ANO6: variants seen among roughly 807,000 people sequenced by gnomAD.
The protein encoded by ANO6 is anoctamin 6, also known as anoctamin-6.
ANO6 carries 106 observed loss-of-function variants against 117.5 expected under a neutral mutation model. That is an observed-to-expected ratio of 0.90 (90% CI 0.77 to 1.06). The LOEUF is 1.06. ANO6 is among the 50% of genes least tolerant of loss of function. The pLI is 0.00. For missense variants in ANO6, 955 were observed against 1,121.1 expected, an observed-to-expected ratio of 0.85 and a Z score of 2.12; for synonymous variants, 367 against 385.1, an observed-to-expected ratio of 0.95 and a Z score of 0.55.
chr12:45,235,800 C>CA (rs1455875282), intron 1 of ANO6, among the ~76,000 whole-genome samples: 2 of 152,198 alleles, frequency 1.3e-5, no homozygotes, highest in Non-Finnish European at 2.9e-5. Context: ...CCCTCCCTCA[C>CA]ACTGACGGCA....
At chr12:45,254,126 C>T (rs879787171) in intron 1 of ANO6, among the ~76,000 whole-genome samples, 12 of 152,190 alleles carry the variant, frequency 7.9e-5, no homozygotes, top group Non-Finnish European at 1.6e-4. Flanking sequence ...GAGATTGTGC[C>T]ACTGCACTCC....
intron 1 of ANO6, among the ~76,000 whole-genome samples, chr12:45,295,177 T>A (rs960189536): frequency 3.3e-5 from 5 of 152,360 alleles, no homozygotes; most frequent in Admixed American, 2.0e-4. Flanking sequence ...TGGCTTTGTA[T>A]TTTATGTTTT....
chr12:45,374,703 T>A lies in ANO6; in HGVS notation c.1105-3350T>A, dbSNP rs545742651. Among the ~76,000 whole-genome samples, 107 of 143,516 alleles carry A rather than the reference T, an allele frequency of 7.5e-4. 1 individual carries two copies. The East Asian group carries it at 0.019, about 25-fold the overall frequency. The allele number at this position is 143,516 out of a possible 152,430, so 94.2% of individuals were successfully genotyped here. A position where few individuals can be genotyped will look rare whatever the true frequency, so the allele number is the denominator to read the frequency against. ...AAATTAGGTATTGATGGGACGTATT[T>A]CAAAATAATAAGAGCTATCTATGAC... On this transcript the variant is annotated intron_variant, in intron 9 of 19. Coordinates refer to ENST00000320560, the MANE Select transcript of ANO6 (RefSeq NM_001025356.3).
chr12:45,429,115 A>G lies in ANO6; in HGVS notation c.2537A>G (p.Tyr846Cys), dbSNP rs746701804. 2.5e-6 allele frequency: 4 copies of G among 1,613,482 alleles called. No homozygotes were observed. In the South Asian group the frequency reaches 3.3e-5, roughly 13 times the overall value. The change falls in exon 20 of 20, where the codon TAC becomes TGC. Residue 846 changes from tyrosine to cysteine, a missense_variant. Tyr to Cys is a radical substitution (Grantham distance 194, BLOSUM62 -2). Coordinates refer to ENST00000320560, the MANE Select transcript of ANO6 (RefSeq NM_001025356.3). Reference protein sequence around the residue: ...AFIIVMEHVIYSVKFFISYAI... With the variant: ...AFIIVMEHVICSVKFFISYAI... ...TCTTCTCTTCCCCAGCACGTCATCT[A>G]CTCTGTGAAATTTTTCATTTCATAT...
At chr12:45,238,366 G>A (rs1042915016) in intron 1 of ANO6, among the ~76,000 whole-genome samples, 1 of 151,980 alleles carries the variant, frequency 6.6e-6, no homozygotes, top group African/African-American at 2.4e-5. Flanking sequence ...GGCCAGGCTG[G>A]TCTCGAACTC....
intron 9 of ANO6, 25 bp from the exon 10 acceptor site, chr12:45,378,027 AT>A: frequency 6.3e-7 from 1 of 1,594,930 alleles, no homozygotes; most frequent in Non-Finnish European, 8.6e-7. Context: ...GATATGACTC[AT>A]TTATATGTCA....
chr12:45,422,983 G>A lies in ANO6; in HGVS notation c.2447G>A (p.Gly816Glu). 1 of 1,613,900 alleles carries A rather than the reference G, an allele frequency of 6.2e-7. No homozygotes were observed. The highest frequency in any genetic ancestry group is 1.7e-5 in the Admixed American group (1 of 60,024). Reference protein sequence around the residue: ...CRYRDFRYPPGHPQEYKHNIY... With the variant: ...CRYRDFRYPPEHPQEYKHNIY... Reference sequence around the variant, plus strand: ...TATCGTGATTTCCGATACCCACCTGGACACCCCCAGGAGTATAAACACAAC... The same window carrying A: ...TATCGTGATTTCCGATACCCACCTGAACACCCCCAGGAGTATAAACACAAC... Residue 816 changes from glycine to glutamate, a missense_variant, in exon 19 of 20, where the codon GGA becomes GAA. Physicochemically the swap from Gly to Glu is moderately conservative, Grantham distance 98. Coordinates refer to ENST00000320560, the MANE Select transcript of ANO6 (RefSeq NM_001025356.3).
intron 1 of ANO6, among the ~76,000 whole-genome samples, chr12:45,245,604 T>C (rs1947813385): frequency 6.6e-6 from 1 of 152,190 alleles, no homozygotes; most frequent in African/African-American, 2.4e-5. Flanking sequence ...TATTTTCTGA[T>C]ATTAGAATGC....
In ANO6 at chr12:45,420,356, C is replaced by T. The variant is rs540649643; in HGVS notation, c.2218-715C>T. Among the ~76,000 whole-genome samples, 7 of 152,220 alleles carry T rather than the reference C, an allele frequency of 4.6e-5. No homozygotes were observed. The South Asian group carries it at 8.3e-4, about 18-fold the overall frequency. On this transcript the variant is annotated intron_variant, in intron 17 of 19. Transcript: ENST00000320560. ...GTCTTCTAGGCTGAGATCAGTGGCT[C>T]GTACCTATAATCCCAGCACTTGGAG...
At chr12:45,232,687 T>G (rs1295092290) in intron 1 of ANO6, among the ~76,000 whole-genome samples, 1 of 152,244 alleles carries the variant, frequency 6.6e-6, no homozygotes, top group African/African-American at 2.4e-5. Context: ...AGGTTTTGTT[T>G]ATAATGATTT....
At chr12:45,385,563 G>A (rs1217203562) in intron 10 of ANO6, among the ~76,000 whole-genome samples, 2 of 152,026 alleles carry the variant, frequency 1.3e-5, no homozygotes, top group South Asian at 2.1e-4. Flanking sequence ...CTCCCAACAG[G>A]GTCTCTTTGG....
intron 1 of ANO6, among the ~76,000 whole-genome samples, chr12:45,221,103 T>C (rs1192911733): frequency 1.3e-5 from 2 of 152,152 alleles, no homozygotes; most frequent in Admixed American, 6.5e-5. Flanking sequence ...ATCTGAGCTC[T>C]GAGGCTTACT....
intron 16 of ANO6, among the ~76,000 whole-genome samples, chr12:45,412,325 TG>T (rs1412161814): frequency 6.6e-6 from 1 of 152,148 alleles, no homozygotes; most frequent in Admixed American, 6.5e-5. Flanking sequence ...AAGTGATGAG[TG>T]GGCCCTGTTT....
chr12:45,237,791 T>C (rs1017238018), intron 1 of ANO6, among the ~76,000 whole-genome samples: 4 of 152,228 alleles, frequency 2.6e-5, no homozygotes, highest in African/African-American at 9.6e-5. Context: ...GGGGATGGCA[T>C]TGAATCTGTA....
At chr12:45,390,389 G>T in intron 11 of ANO6, 32 bp from the exon 12 acceptor site, 1 of 1,531,990 alleles carries the variant, frequency 6.5e-7, no homozygotes, top group South Asian at 1.1e-5. Context: ...GTAATCCCTT[G>T]ATTGACTAAA....
intron 8 of ANO6, among the ~76,000 whole-genome samples, chr12:45,360,048 T>G (rs1941514345): frequency 6.6e-6 from 1 of 152,252 alleles, no homozygotes. Context: ...GTGTTTGTCA[T>G]TTGTATAGCT....
intron 1 of ANO6, among the ~76,000 whole-genome samples, chr12:45,288,243 TC>T (rs1209980514): frequency 5.3e-5 from 8 of 152,208 alleles, no homozygotes; most frequent in Non-Finnish European, 1.2e-4. Context: ...ATACACATAA[TC>T]TAAAACTTAC....
At chr12:45,351,028 C>G (rs73281510) in intron 7 of ANO6, among the ~76,000 whole-genome samples, 2,001 of 152,328 alleles carry the variant, frequency 0.013, 39 homozygotes, top group African/African-American at 0.046. Context: ...GTTCTCCAAT[C>G]ACATGGTTGA....
At chr12:45,380,342 A>G (rs531096448) in intron 10 of ANO6, among the ~76,000 whole-genome samples, 2 of 152,324 alleles carry the variant, frequency 1.3e-5, no homozygotes, top group African/African-American at 2.4e-5. Context: ...CATGACTGCA[A>G]TGTTTAATTT....
Sources: allele counts gnomAD v4.1 joint callset (sites outside exome capture counted in the v4.1 genomes callset), GRCh38; gene constraint gnomAD v4.1.1; transcripts MANE v1.5; gene names NCBI Gene and HGNC (gene_info 2026-07-23, HGNC 2026-07-21).